The following FBXL7 variants were observed in gnomAD, a reference collection of about 807,000 sequenced individuals.
FBXL7 encodes F-box/LRR-repeat protein 7.
Under a neutral mutation model 38.3 loss-of-function variants are expected in FBXL7, and 12 were observed. The observed-to-expected ratio is 0.31, with a 90% CI of 0.20 to 0.51. The LOEUF (loss-of-function observed/expected upper bound fraction) is 0.51, where lower values mean the gene tolerates loss of function less well. FBXL7 is among the 20% of genes least tolerant of loss of function. The pLI, the probability that FBXL7 is intolerant of heterozygous loss-of-function variation, is 0.98. For synonymous variants in FBXL7, 297 were observed against 300.9 expected, an observed-to-expected ratio of 0.99 and a Z score of 0.13; for missense variants, 567 against 676.4, an observed-to-expected ratio of 0.84 and a Z score of 1.79.
intron 1 of FBXL7, among the ~76,000 whole-genome samples, chr5:15,582,137 C>G (rs2126468832): frequency 6.6e-6 from 1 of 152,196 alleles, no homozygotes; most frequent in African/African-American, 2.4e-5. Context: ...TGGGGCTTTG[C>G]CACGTTGGCC....
chr5:15,919,717 A>G (rs1741690422), intron 2 of FBXL7, among the ~76,000 whole-genome samples: 1 of 152,190 alleles, frequency 6.6e-6, no homozygotes. Context: ...TTCACTAAGA[A>G]TATTGTTTAA....
chr5:15,882,192 C>A (rs1483404802), intron 2 of FBXL7, among the ~76,000 whole-genome samples: 1 of 152,200 alleles, frequency 6.6e-6, no homozygotes, highest in African/African-American at 2.4e-5. Flanking sequence ...ATGGGGATTA[C>A]ATTTTAATAT....
At chr5:15,531,198 C>A (rs1737419914) in intron 1 of FBXL7, among the ~76,000 whole-genome samples, 1 of 152,040 alleles carries the variant, frequency 6.6e-6, no homozygotes, top group African/African-American at 2.4e-5. Context: ...TATTGTATAG[C>A]ATAGTGTACT....
chr5:15,932,713 C>CCAT (rs1561194019), intron 3 of FBXL7, among the ~76,000 whole-genome samples: 1 of 152,154 alleles, frequency 6.6e-6, no homozygotes, highest in Non-Finnish European at 1.5e-5. Flanking sequence ...TACCTGGACT[C>CCAT]CATATCTATT....
intron 2 of FBXL7, among the ~76,000 whole-genome samples, chr5:15,672,769 G>T (rs1742522777): frequency 6.6e-6 from 1 of 151,904 alleles, no homozygotes; most frequent in South Asian, 2.1e-4. Flanking sequence ...GGCCAGGCTG[G>T]TCTCTTAACT....
At chr5:15,924,213 C>T (rs1422668530) in intron 2 of FBXL7, among the ~76,000 whole-genome samples, 1 of 152,208 alleles carries the variant, frequency 6.6e-6, no homozygotes, top group Non-Finnish European at 1.5e-5. Flanking sequence ...AAGGGAAGTA[C>T]GATTTCTTTT....
intron 2 of FBXL7, among the ~76,000 whole-genome samples, chr5:15,620,230 C>CTTTTTTTTTTTTTTT (rs796293132): frequency 7.5e-6 from 1 of 134,142 alleles, no homozygotes; most frequent in African/African-American, 2.7e-5. Context: ...TTCTTTTTTT[C>CTTTTTTTTTTTTTTT]TTTTTTTTTT....
chr5:15,616,206 C>A, intron 2 of FBXL7, 134 bp downstream of exon 2: 1 of 555,420 alleles, frequency 1.8e-6, no homozygotes. Context: ...TGAGGATGTT[C>A]AGGGTCTCCT....
At chr5:15,584,135 C>G (rs1194933643) in intron 1 of FBXL7, among the ~76,000 whole-genome samples, 1 of 152,138 alleles carries the variant, frequency 6.6e-6, no homozygotes, top group Non-Finnish European at 1.5e-5. Context: ...CTTGGGGCTG[C>G]ACAGAGCAGC....
intron 2 of FBXL7, among the ~76,000 whole-genome samples, chr5:15,838,667 C>G (rs562002803): frequency 6.6e-6 from 1 of 151,588 alleles, no homozygotes; most frequent in Middle Eastern, 3.4e-3. Context: ...GATGACCCTA[C>G]CTCCTCCTTC....
At position 15,625,728 on chromosome 5, in the gene FBXL7, T is replaced by G. The variant is rs145965031; in HGVS notation, c.127+9656T>G. On this transcript the variant is annotated intron_variant, in intron 2 of 3. Transcript: ENST00000504595. ...CTAAAACCCAACTGAGCCATGGAAT[T>G]TTTCTTTAATTGGAAATATATGAAA... 1.1e-4 allele frequency among the ~76,000 whole-genome samples: 17 copies of G among 152,274 alleles called. No homozygotes were observed. The East Asian group carries it at 3.3e-3, about 29-fold the overall frequency.
intron 1 of FBXL7, chr5:15,501,374 C>G (rs759289862): frequency 9.3e-6 from 9 of 970,096 alleles, no homozygotes; most frequent in Non-Finnish European, 1.1e-5. Context: ...CCACCTACTC[C>G]TAAAAGGATG....
At chr5:15,568,680 A>T (rs2126448147) in intron 1 of FBXL7, among the ~76,000 whole-genome samples, 1 of 152,076 alleles carries the variant, frequency 6.6e-6, no homozygotes, top group African/African-American at 2.4e-5. Context: ...TATGTCCTGA[A>T]TGGTATTGCC....
chr5:15,710,487 C>T (rs1032879843), intron 2 of FBXL7, among the ~76,000 whole-genome samples: 1 of 152,134 alleles, frequency 6.6e-6, no homozygotes, highest in African/African-American at 2.4e-5. Context: ...TAGACTCATA[C>T]ATGCACATGC....
Position 15,708,938 on chromosome 5 carries a change from G to T in FBXL7, c.127+92866G>T, listed in dbSNP as rs139822157. Among the ~76,000 whole-genome samples, 255 of 152,310 alleles carry T rather than the reference G, an allele frequency of 1.7e-3. 2 individuals carry two copies. Among genetic ancestry groups the T allele is most frequent in the African/African-American group, 5.6e-3 (232 of 41,572 alleles). ...TTTTGGCAAGGGATAAAGGTTAGGA[G>T]TTGTTGTCCCAGAAAATGTTTTTTC... On this transcript the variant is annotated intron_variant, in intron 2 of 3. Coordinates refer to ENST00000504595, the MANE Select transcript of FBXL7 (RefSeq NM_012304.5).
At chr5:15,889,894 T>C (rs932549085) in intron 2 of FBXL7, among the ~76,000 whole-genome samples, 3 of 151,860 alleles carry the variant, frequency 2.0e-5, no homozygotes, top group Non-Finnish European at 4.4e-5. Flanking sequence ...ATACAAACAA[T>C]ACACAAACAA....
intron 2 of FBXL7, among the ~76,000 whole-genome samples, chr5:15,669,189 T>TA (rs1307851951): frequency 6.6e-6 from 1 of 152,078 alleles, no homozygotes; most frequent in Non-Finnish European, 1.5e-5. Flanking sequence ...TAATTTTTTT[T>TA]AAAAAAAGGA....
At chr5:15,887,984 A>G (rs112210138) in intron 2 of FBXL7, among the ~76,000 whole-genome samples, 30 of 152,174 alleles carry the variant, frequency 2.0e-4, no homozygotes, top group Non-Finnish European at 4.4e-5. Context: ...GTCTGACATC[A>G]TAACAGAACC....
rs371738274 is a variant in FBXL7 at position 15,790,001 on chromosome 5, A to G, written c.128-137889A>G. Among the ~76,000 whole-genome samples, 55 of 152,316 alleles carry G rather than the reference A, an allele frequency of 3.6e-4. 1 individual carries two copies. In the East Asian group the frequency reaches 9.5e-3, roughly 26 times the overall value. ...TAGGCCCCCGTGGCCAGATCTTCCAACACTGCTTGTTCCTATTTAGTTTAC... is the reference window on the plus strand; with the variant it reads ...TAGGCCCCCGTGGCCAGATCTTCCAGCACTGCTTGTTCCTATTTAGTTTAC... On this transcript the variant is annotated intron_variant, in intron 2 of 3. Coordinates refer to ENST00000504595, the MANE Select transcript of FBXL7 (RefSeq NM_012304.5).
Sources: allele counts gnomAD v4.1 joint callset (sites outside exome capture counted in the v4.1 genomes callset), GRCh38; gene constraint gnomAD v4.1.1; transcripts MANE v1.5; gene names NCBI Gene and HGNC (gene_info 2026-07-23, HGNC 2026-07-21).